The following EDA2R variants were observed in gnomAD, a reference collection of about 807,000 sequenced individuals.
The protein encoded by EDA2R is ectodysplasin A2 receptor.
In EDA2R, 26 loss-of-function variants were observed where a neutral mutation model predicts 20.1. The ratio of observed to expected loss-of-function variants is 1.30; its 90% CI spans 0.95 to 1.80. The LOEUF (loss-of-function observed/expected upper bound fraction) is 1.80. Among genes scored for constraint, EDA2R ranks in the 40% most tolerant of loss-of-function variants. EDA2R has a pLI of 0.00. For synonymous variants in EDA2R, 114 were observed against 88.7 expected (o/e 1.29, Z -1.60); for missense variants, 277 against 228.7 (o/e 1.21, Z -1.36).
At chrX:66,600,443 G>A (rs995077259) in intron 5 of EDA2R, among the ~76,000 whole-genome samples, 2 of 111,851 alleles carry the variant, frequency 1.8e-5, no homozygotes, top group African/African-American at 6.5e-5. Context: ...ATGACCTTCA[G>A]CTTACAGCCA....
At chrX:66,628,655 G>T (rs1199043402) in intron 1 of EDA2R, among the ~76,000 whole-genome samples, 1 of 104,493 alleles carries the variant, frequency 9.6e-6, no homozygotes, top group Non-Finnish European at 2.0e-5. Context: ...TATATATCCT[G>T]AACAGACCAA....
chrX:66,595,948 T>C lies in EDA2R; in HGVS notation c.*2156A>G, dbSNP rs1927360912. ...TCCTTTCCTAACCTGGATCTGAGAA[T>C]CTTGGAGGAAAAAATTATTTTCCCA... On this transcript the variant is annotated 3_prime_UTR_variant, in exon 7 of 7. Coordinates refer to ENST00000374719, the MANE Select transcript of EDA2R (RefSeq NM_021783.5). 9.2e-6 allele frequency: 1 copy of C among 108,318 alleles called. No individual in the cohort carries two copies. The allele number at this position is 108,318 out of a possible 1,213,427, so 8.9% of individuals were successfully genotyped here.
rs999470766 is a variant in EDA2R, at chrX:66,596,394, C to A, written c.*1710G>T. Reference sequence around the variant, plus strand: ...CTTTAAAATGCAAAGCCAATTGCCACCTCCAATTGCTGAACCTCAAAAAGT... The same window carrying A: ...CTTTAAAATGCAAAGCCAATTGCCAACTCCAATTGCTGAACCTCAAAAAGT... On this transcript the variant is annotated 3_prime_UTR_variant, in exon 7 of 7. Coordinates refer to ENST00000374719, the MANE Select transcript of EDA2R (RefSeq NM_021783.5). 1.3e-4 allele frequency: 14 copies of A among 111,727 alleles called. No individual in the cohort carries two copies. Among genetic ancestry groups the A allele is most frequent in the Non-Finnish European group, 2.6e-4 (14 of 53,221 alleles). 9.2% of individuals were successfully genotyped at this position (111,727 alleles called of 1,213,427 possible). A position where few individuals can be genotyped will look rare whatever the true frequency, so the allele number is the denominator to read the frequency against.
chrX:66,626,125 A>AG (rs1933052440), intron 1 of EDA2R, among the ~76,000 whole-genome samples: 1 of 111,501 alleles, frequency 9.0e-6, no homozygotes, highest in Admixed American at 9.5e-5. Context: ...CCCCCCAAAA[A>AG]TCACACTAGC....
intron 5 of EDA2R, among the ~76,000 whole-genome samples, chrX:66,600,849 G>A (rs1192389432): frequency 9.0e-6 from 1 of 111,718 alleles, no homozygotes; most frequent in Non-Finnish European, 1.9e-5. Context: ...AAAAAATCCA[G>A]ATTTCTGAAT....
chrX:66,634,499 G>GT (rs1329124315), intron 1 of EDA2R, among the ~76,000 whole-genome samples: 52 of 106,573 alleles, frequency 4.9e-4, no homozygotes, highest in East Asian at 2.1e-3. Flanking sequence ...TCCATCATTT[G>GT]TTTTTTTTTT....
intron 1 of EDA2R, among the ~76,000 whole-genome samples, chrX:66,618,020 G>A (rs1381000586): frequency 9.0e-6 from 1 of 110,512 alleles, no homozygotes; most frequent in Non-Finnish European, 1.9e-5. Context: ...CCGAGTAGCT[G>A]GGATTACAGG....
rs996890050 is a variant in EDA2R, at chrX:66,597,961, T to C, written c.*143A>G. 1 of 786,525 alleles carries C rather than the reference T, an allele frequency of 1.3e-6. No individual in the cohort carries two copies. Among genetic ancestry groups the C allele is most frequent in the African/African-American group, 2.1e-5 (1 of 46,817 alleles). 64.8% of individuals were successfully genotyped at this position (786,525 alleles called of 1,213,427 possible). On this transcript the variant is annotated 3_prime_UTR_variant, in exon 7 of 7. Coordinates refer to ENST00000374719, the MANE Select transcript of EDA2R (RefSeq NM_021783.5). Reference sequence around the variant, plus strand: ...ATGGAGAATCAATCCTCTGGTGGGATGGGATAGGATATGCCCCATCTGTAG... The same window carrying C: ...ATGGAGAATCAATCCTCTGGTGGGACGGGATAGGATATGCCCCATCTGTAG...
In EDA2R at chrX:66,609,177, C is replaced by T. The variant is rs753065200; in HGVS notation, c.88-3951G>A. 2.7e-5 allele frequency among the ~76,000 whole-genome samples: 3 copies of T among 112,103 alleles called. No homozygotes were observed. In the East Asian group the frequency reaches 8.4e-4, roughly 31 times the overall value. On this transcript the variant is annotated intron_variant, in intron 2 of 6. Transcript: ENST00000374719. Reference sequence around the variant, plus strand: ...TTCCTGAATGGCTGAGAAGAATCTTCCTACTCCCCAACATGGATTGGAGTC... The same window carrying T: ...TTCCTGAATGGCTGAGAAGAATCTTTCTACTCCCCAACATGGATTGGAGTC...
In EDA2R at chrX:66,597,435, C is replaced by T. The variant is rs1250459624; in HGVS notation, c.*669G>A. 9.0e-6 allele frequency: 1 copy of T among 111,666 alleles called. No homozygotes were observed. Among genetic ancestry groups the T allele is most frequent in the Admixed American group, 9.5e-5 (1 of 10,570 alleles). The allele number at this position is 111,666 out of a possible 1,213,427, so 9.2% of individuals were successfully genotyped here. A position where few individuals can be genotyped will look rare whatever the true frequency, so the allele number is the denominator to read the frequency against. On this transcript the variant is annotated 3_prime_UTR_variant, in exon 7 of 7. Transcript: ENST00000374719. ...GGCTCAGAAATGTTCTGTAAGGTTCCAAAATGGCGAACTTCAGCCCTTCTC... is the reference window on the plus strand; with the variant it reads ...GGCTCAGAAATGTTCTGTAAGGTTCTAAAATGGCGAACTTCAGCCCTTCTC...
intron 4 of EDA2R, 134 bp downstream of exon 4, chrX:66,604,287 G>T: frequency 2.3e-6 from 1 of 443,758 alleles, no homozygotes; most frequent in South Asian, 8.5e-5. Context: ...TGTAAAACCA[G>T]ACTTCTAATC....
At chrX:66,625,453 T>C (rs1932979848) in intron 1 of EDA2R, among the ~76,000 whole-genome samples, 1 of 110,385 alleles carries the variant, frequency 9.1e-6, no homozygotes, top group African/African-American at 3.3e-5. Context: ...TCCTCCTAGG[T>C]ACACAACTCC....
At chrX:66,628,566 C>T (rs1933367798) in intron 1 of EDA2R, among the ~76,000 whole-genome samples, 2 of 110,537 alleles carry the variant, frequency 1.8e-5, no homozygotes, top group Admixed American at 1.9e-4. Flanking sequence ...AACATCATTA[C>T]ACACATAAAG....
intron 6 of EDA2R, 28 bp from the exon 7 acceptor site, chrX:66,598,121 A>G: frequency 1.3e-6 from 1 of 763,799 alleles, no homozygotes; most frequent in South Asian, 2.5e-5. Flanking sequence ...CAAGTTAGAA[A>G]CATGTGGGGA....
At chrX:66,616,096 C>T in intron 1 of EDA2R, 66 bp from the exon 2 acceptor site, 1 of 772,228 alleles carries the variant, frequency 1.3e-6, no homozygotes, top group African/African-American at 2.0e-5. Flanking sequence ...GGCTTCCATG[C>T]CACTTGGCTT....
At chrX:66,624,607 TAAAG>T (rs1932887859) in intron 1 of EDA2R, among the ~76,000 whole-genome samples, 1 of 111,455 alleles carries the variant, frequency 9.0e-6, no homozygotes. Context: ...AAGATCTCAG[TAAAG>T]AAGTAGAGCT....
rs906164591 is a variant in EDA2R at position 66,598,068 on chromosome X, G to A, written c.*36C>T. ...AACAGAGTCCAGAGAGAACAACTGG[G>A]CAAGGCTGCCAGGGGCCCAAGAGAC... On this transcript the variant is annotated 3_prime_UTR_variant, in exon 7 of 7. Coordinates refer to ENST00000374719, the MANE Select transcript of EDA2R (RefSeq NM_021783.5). The A allele has an allele frequency of 1.3e-5, 13 of 963,341 alleles. No homozygotes were observed. The highest frequency in any genetic ancestry group is 2.0e-5 in the African/African-American group (1 of 49,831). 79.4% of individuals were successfully genotyped at this position (963,341 alleles called of 1,213,427 possible).
intron 1 of EDA2R, among the ~76,000 whole-genome samples, chrX:66,637,464 A>C (rs977499964): frequency 6.3e-5 from 7 of 111,740 alleles, no homozygotes; most frequent in African/African-American, 2.3e-4. Flanking sequence ...ATGGCTTTCC[A>C]TTGTCTGCTA....
At chrX:66,602,546 T>C (rs1205139453) in intron 5 of EDA2R, 87 bp downstream of exon 5, 3 of 1,007,658 alleles carry the variant, frequency 3.0e-6, no homozygotes, top group Middle Eastern at 2.8e-4. Context: ...AAAAGGCCCA[T>C]TGTCTCTCAA....
Sources: allele counts gnomAD v4.1 joint callset (sites outside exome capture counted in the v4.1 genomes callset), GRCh38; gene constraint gnomAD v4.1.1; transcripts MANE v1.5; gene names NCBI Gene and HGNC (gene_info 2026-07-23, HGNC 2026-07-21).